Variants in MIS18A observed in about 807,000 individuals in gnomAD.
MIS18A encodes MIS18 kinetochore protein A.
In MIS18A, 14 loss-of-function variants were observed where a neutral mutation model predicts 25.0. The observed-to-expected ratio is 0.56, with a 90% CI of 0.37 to 0.88. MIS18A has a LOEUF of 0.88. Among genes scored for constraint, MIS18A ranks in the 40% least tolerant of loss-of-function variants. MIS18A has a pLI of 0.00. For missense variants in MIS18A, 292 were observed against 290.8 expected (o/e 1.00, Z -0.03); for synonymous variants, 134 against 118.6 (o/e 1.13, Z -0.84).
chr21:32,195,027 C>T, the MIS18A span, among the ~76,000 whole-genome samples: 2 of 152,032 alleles, frequency 1.3e-5, no homozygotes, highest in East Asian at 1.9e-4. Context: ...GCACTTGTAA[C>T]CCTAAACCCA....
Position 32,268,539 on chromosome 21 carries a change from A to C in MIS18A, c.*498T>G, listed in dbSNP as rs2123462000. 1 of 152,420 alleles carries C rather than the reference A, an allele frequency of 6.6e-6. No individual in the cohort carries two copies. Among genetic ancestry groups the C allele is most frequent in the South Asian group, 2.1e-4 (1 of 4,830 alleles). The allele number at this position is 152,420 out of a possible 1,614,324, so 9.4% of individuals were successfully genotyped here. A position where few individuals can be genotyped will look rare whatever the true frequency, so the allele number is the denominator to read the frequency against. ...GAAGATTCCATGACACTGTGGGTAG[A>C]CAAACCTCTAAGATTTTTCTTATCA... On this transcript the variant is annotated 3_prime_UTR_variant, in exon 5 of 5. Transcript: ENST00000290130.
the MIS18A span, among the ~76,000 whole-genome samples, chr21:32,168,831 A>G: frequency 4.6e-5 from 7 of 152,246 alleles, no homozygotes; most frequent in Non-Finnish European, 1.0e-4. Flanking sequence ...AGAAATAAGC[A>G]GCAAACAGAG....
chr21:32,209,432 G>T, the MIS18A span, among the ~76,000 whole-genome samples: 1 of 152,042 alleles, frequency 6.6e-6, no homozygotes, highest in East Asian at 1.9e-4. Context: ...GTTAGCAAAG[G>T]GTTTCCACAA....
the MIS18A span, among the ~76,000 whole-genome samples, chr21:32,199,443 T>TC: frequency 6.6e-6 from 1 of 151,662 alleles, no homozygotes; most frequent in Non-Finnish European, 1.5e-5. Context: ...AAAAAAAAAT[T>TC]TAAAAAAAAG....
chr21:32,157,223 A>ATTTTTTCTTT, the MIS18A span, among the ~76,000 whole-genome samples: 97 of 72,316 alleles, frequency 1.3e-3, 2 homozygotes, highest in African/African-American at 6.6e-3. Context: ...TACCCGGCTA[A>ATTTTTTCTTT]TTTTTTTTTT....
At chr21:32,158,028 C>T in the MIS18A span, among the ~76,000 whole-genome samples, 1 of 152,038 alleles carries the variant, frequency 6.6e-6, no homozygotes, top group African/African-American at 2.4e-5. Context: ...TAGTGTTTAC[C>T]AATTTGATAA....
intron 2 of MIS18A, among the ~76,000 whole-genome samples, chr21:32,271,460 C>A (rs1367669114): frequency 6.6e-6 from 1 of 152,204 alleles, no homozygotes; most frequent in Non-Finnish European, 1.5e-5. Context: ...CTTACAGATA[C>A]TGAGACACTG....
At chr21:32,267,966 C>T (rs1043325333), downstream of MIS18A, among the ~76,000 whole-genome samples, 2 of 152,178 alleles carry the variant, frequency 1.3e-5, no homozygotes, top group Non-Finnish European at 2.9e-5. Flanking sequence ...GACTTAGGAC[C>T]TTTTGCTCTG....
chr21:32,160,677 G>A, the MIS18A span, among the ~76,000 whole-genome samples: 3 of 150,348 alleles, frequency 2.0e-5, no homozygotes, highest in South Asian at 2.1e-4. Flanking sequence ...ACAGAGTTTC[G>A]CTGGAGTGCA....
At chr21:32,265,809 AC>A (rs1482294265), downstream of MIS18A, among the ~76,000 whole-genome samples, 4 of 152,380 alleles carry the variant, frequency 2.6e-5, no homozygotes, top group South Asian at 8.3e-4. Context: ...TCTGGTGGGG[AC>A]GTGGAGAGTC....
chr21:32,269,347 T>C (rs1409820700), intron 4 of MIS18A, among the ~76,000 whole-genome samples: 1 of 152,220 alleles, frequency 6.6e-6, no homozygotes, highest in Non-Finnish European at 1.5e-5. Context: ...TTTTATACAA[T>C]CATCACCATC....
At chr21:32,160,592 A>G in the MIS18A span, among the ~76,000 whole-genome samples, 1 of 151,824 alleles carries the variant, frequency 6.6e-6, no homozygotes, top group African/African-American at 2.4e-5. Context: ...AGGTGGGACA[A>G]CTCTAAGCAG....
chr21:32,163,613 T>A, the MIS18A span, among the ~76,000 whole-genome samples: 1 of 152,182 alleles, frequency 6.6e-6, no homozygotes, highest in African/African-American at 2.4e-5. Flanking sequence ...GGTCACATAC[T>A]GGATGTGACT....
chr21:32,241,902 C>T, the MIS18A span, among the ~76,000 whole-genome samples: 3 of 66 alleles, frequency 0.045, no homozygotes, highest in African/African-American at 0.17. Flanking sequence ...GTTGTTGAGA[C>T]GGAGTTCGCT....
the MIS18A span, among the ~76,000 whole-genome samples, chr21:32,174,686 A>G: frequency 2.6e-5 from 4 of 152,206 alleles, no homozygotes; most frequent in Non-Finnish European, 5.9e-5. Context: ...AAGAGTCATT[A>G]ACACACCATC....
the MIS18A span, among the ~76,000 whole-genome samples, chr21:32,171,139 A>G: frequency 2.6e-5 from 4 of 152,094 alleles, no homozygotes; most frequent in Non-Finnish European, 5.9e-5. Flanking sequence ...AGGTAGTGCC[A>G]TTAGGCAAGA....
intron 2 of MIS18A, among the ~76,000 whole-genome samples, chr21:32,273,706 A>C (rs1001356489): frequency 6.6e-6 from 1 of 152,208 alleles, no homozygotes; most frequent in Non-Finnish European, 1.5e-5. Context: ...GTATTTGGTC[A>C]TAAGTGCACA....
At chr21:32,278,255 A>G in intron 1 of MIS18A, 1 of 168,394 alleles carries the variant, frequency 5.9e-6, no homozygotes, top group Non-Finnish European at 1.3e-5. Context: ...CTGCGGCTCT[A>G]TCACTGGAGG....
At chr21:32,216,075 CA>C in the MIS18A span, among the ~76,000 whole-genome samples, 1 of 151,364 alleles carries the variant, frequency 6.6e-6, no homozygotes, top group South Asian at 2.1e-4. Flanking sequence ...AAACACTAAC[CA>C]AAAAAAAGTC....
Sources: allele counts gnomAD v4.1 joint callset (sites outside exome capture counted in the v4.1 genomes callset), GRCh38; gene constraint gnomAD v4.1.1; transcripts MANE v1.5; gene names NCBI Gene and HGNC (gene_info 2026-07-23, HGNC 2026-07-21).